The following CA10 variants were observed in gnomAD, a reference collection of about 807,000 sequenced individuals.
CA10 encodes carbonic anhydrase-related protein 10.
A neutral mutation model predicts 44.2 loss-of-function variants in CA10; 14 were observed. The ratio of observed to expected loss-of-function variants is 0.32; its 90% CI spans 0.21 to 0.50. The LOEUF (loss-of-function observed/expected upper bound fraction) is 0.50. CA10 is among the 20% of genes least tolerant of loss of function. CA10 has a pLI of 0.99. For missense variants in CA10, 350 were observed against 409.7 expected, an observed-to-expected ratio of 0.85 and a Z score of 1.26; for synonymous variants, 159 against 141.6, an observed-to-expected ratio of 1.12 and a Z score of -0.87.
At chr17:52,146,088 T>C (rs1989576508) in intron 1 of CA10, among the ~76,000 whole-genome samples, 1 of 152,192 alleles carries the variant, frequency 6.6e-6, no homozygotes, top group Non-Finnish European at 1.5e-5. Flanking sequence ...TAGCTAATTG[T>C]TCGCAAACCA....
chr17:51,784,232 T>C (rs542215889), intron 3 of CA10, among the ~76,000 whole-genome samples: 72 of 152,182 alleles, frequency 4.7e-4, no homozygotes, highest in Admixed American at 1.3e-3. Flanking sequence ...GGCAAACCCA[T>C]GTATGTGGAG....
intron 3 of CA10, among the ~76,000 whole-genome samples, chr17:51,794,484 A>G (rs934328085): frequency 2.6e-5 from 4 of 152,152 alleles, no homozygotes; most frequent in African/African-American, 9.7e-5. Flanking sequence ...ATTTCTCTGT[A>G]TTGGGCTGTA....
At chr17:51,962,105 T>C (rs203022) in intron 2 of CA10, among the ~76,000 whole-genome samples, 138,779 of 152,294 alleles carry the variant, frequency 0.91, 63,295 homozygotes, top group East Asian at 0.95. Flanking sequence ...GAGCACAACA[T>C]ATTTGCATGG....
chr17:51,712,806 A>G (rs770530152), intron 4 of CA10, among the ~76,000 whole-genome samples: 1 of 152,152 alleles, frequency 6.6e-6, no homozygotes, highest in Non-Finnish European at 1.5e-5. Flanking sequence ...TTACTATACT[A>G]CCTCTCAGAC....
intron 3 of CA10, among the ~76,000 whole-genome samples, chr17:51,823,816 A>C (rs1222284668): frequency 2.0e-5 from 3 of 152,172 alleles, no homozygotes; most frequent in African/African-American, 4.8e-5. Flanking sequence ...TTCTAGCTAG[A>C]GCAACATAAA....
At chr17:51,727,612 A>T (rs906660110) in intron 4 of CA10, among the ~76,000 whole-genome samples, 1 of 152,230 alleles carries the variant, frequency 6.6e-6, no homozygotes, top group African/African-American at 2.4e-5. Flanking sequence ...TCAAAATAGG[A>T]TAATAATGAT....
intron 3 of CA10, among the ~76,000 whole-genome samples, chr17:51,919,827 A>C (rs203070): frequency 6.6e-6 from 1 of 151,842 alleles, no homozygotes; most frequent in Non-Finnish European, 1.5e-5. Context: ...AATTTTTGTA[A>C]TTTTTTAGTA....
intron 1 of CA10, among the ~76,000 whole-genome samples, chr17:52,147,682 G>A (rs925070178): frequency 6.6e-6 from 1 of 151,966 alleles, no homozygotes; most frequent in Non-Finnish European, 1.5e-5. Flanking sequence ...CACTCTACAG[G>A]GGTTTGAGTC....
intron 4 of CA10, among the ~76,000 whole-genome samples, chr17:51,683,484 A>C (rs1035526679): frequency 2.0e-5 from 3 of 152,130 alleles, no homozygotes; most frequent in Non-Finnish European, 4.4e-5. Context: ...CGACGGGAAA[A>C]CGTTTTGCAA....
chr17:52,001,023 A>C (rs1476654526), intron 2 of CA10, among the ~76,000 whole-genome samples: 2 of 151,932 alleles, frequency 1.3e-5, no homozygotes, highest in Admixed American at 6.6e-5. Flanking sequence ...TAAGCTGCTG[A>C]TACCATGCCT....
rs544886422 is a variant in CA10 at position 51,875,131 on chromosome 17, C to A, written c.279+55859G>T. Among the ~76,000 whole-genome samples the A allele has an allele frequency of 9.4e-4, 143 of 152,020 alleles. 1 individual carries two copies. Among genetic ancestry groups the A allele is most frequent in the African/African-American group, 3.4e-3 (139 of 41,460 alleles). Reference sequence around the variant, plus strand: ...TGGGACTACAGGTGTAAGACACCACCCCCAGCTAATTTCTAAATGTTTTTT... The same window carrying A: ...TGGGACTACAGGTGTAAGACACCACACCCAGCTAATTTCTAAATGTTTTTT... On this transcript the variant is annotated intron_variant, in intron 3 of 8. Transcript: ENST00000451037.
At chr17:51,754,244 ATTAC>A (rs1271384381) in intron 3 of CA10, among the ~76,000 whole-genome samples, 2 of 150,586 alleles carry the variant, frequency 1.3e-5, no homozygotes, top group Non-Finnish European at 3.0e-5. Context: ...GATGTTTAGG[ATTAC>A]TTACTGTTTA....
intron 6 of CA10, among the ~76,000 whole-genome samples, chr17:51,644,892 G>A (rs983467478): frequency 1.4e-5 from 2 of 145,644 alleles, no homozygotes; most frequent in African/African-American, 2.5e-5. Flanking sequence ...TCCGCCTCCC[G>A]GGTTCAAGTG....
intron 3 of CA10, among the ~76,000 whole-genome samples, chr17:51,914,689 C>G (rs1981923879): frequency 6.6e-6 from 1 of 152,154 alleles, no homozygotes. Flanking sequence ...TCTTCTGACC[C>G]ATGCTGCCTT....
intron 2 of CA10, among the ~76,000 whole-genome samples, chr17:51,960,736 T>G (rs1983856218): frequency 6.6e-6 from 1 of 152,148 alleles, no homozygotes; most frequent in African/African-American, 2.4e-5. Context: ...AACCTCTAAA[T>G]ATTGGAAAAT....
chr17:51,635,926 T>G lies in CA10; in HGVS notation c.718A>C (p.Thr240Pro). ...SSFITYDGSM[T>P]IPPCYETASW... ...GCTGTCTCATAGCAGGGTGGGATAG[T>G]CATCGACCCATCGTAAGTGATGAAA... Residue 240 changes from threonine (T) to proline (P), a missense_variant, in exon 7 of 9, where the codon ACT (threonine) becomes CCT (proline). Transcript: ENST00000451037. 6.2e-7 allele frequency: 1 copy of G among 1,610,296 alleles called. No homozygotes were observed. Among genetic ancestry groups the G allele is most frequent in the Non-Finnish European group, 8.5e-7 (1 of 1,177,330 alleles).
chr17:51,935,517 C>T (rs1982831404), intron 2 of CA10, among the ~76,000 whole-genome samples: 1 of 152,172 alleles, frequency 6.6e-6, no homozygotes, highest in Non-Finnish European at 1.5e-5. Context: ...ACAAAACAGA[C>T]CCAAATATTT....
At chr17:52,127,620 G>A (rs1027445572) in intron 1 of CA10, among the ~76,000 whole-genome samples, 1 of 152,162 alleles carries the variant, frequency 6.6e-6, no homozygotes, top group Non-Finnish European at 1.5e-5. Flanking sequence ...GGCAGAAGAG[G>A]CTGGTGTCCT....
intron 1 of CA10, among the ~76,000 whole-genome samples, chr17:52,154,653 C>T (rs1989767760): frequency 6.6e-6 from 1 of 152,132 alleles, no homozygotes; most frequent in Non-Finnish European, 1.5e-5. Context: ...TTCACAGACC[C>T]TGGATGCCTT....
Sources: allele counts gnomAD v4.1 joint callset (sites outside exome capture counted in the v4.1 genomes callset), GRCh38; gene constraint gnomAD v4.1.1; transcripts MANE v1.5; gene names NCBI Gene and HGNC (gene_info 2026-07-23, HGNC 2026-07-21).